Variants in LDB2 observed in about 807,000 individuals in gnomAD.
LDB2 encodes the protein LIM domain binding 2.
A neutral mutation model predicts 44.3 loss-of-function variants in LDB2; 12 were observed. The ratio of observed to expected loss-of-function variants is 0.27; its 90% CI spans 0.17 to 0.44. The LOEUF is 0.44. Ranked by LOEUF, LDB2 falls within the 20% of genes least tolerant of loss-of-function variation. The pLI is 1.00. For synonymous variants in LDB2, 164 were observed against 174.8 expected, an observed-to-expected ratio of 0.94 and a Z score of 0.49; for missense variants, 344 against 473.5, an observed-to-expected ratio of 0.73 and a Z score of 2.54.
At chr4:16,563,573 C>T (rs1034042394) in intron 5 of LDB2, among the ~76,000 whole-genome samples, 20 of 149,696 alleles carry the variant, frequency 1.3e-4, no homozygotes, top group African/African-American at 3.9e-4. Context: ...CTCAGCCTCC[C>T]GAGTAGCTGG....
At chr4:16,722,225 C>A (rs1758426998) in intron 2 of LDB2, among the ~76,000 whole-genome samples, 1 of 152,112 alleles carries the variant, frequency 6.6e-6, no homozygotes. Context: ...TTCAGAGAAT[C>A]CTTCCAACAA....
At chr4:16,558,016 G>T (rs1463054426) in intron 5 of LDB2, among the ~76,000 whole-genome samples, 1 of 152,214 alleles carries the variant, frequency 6.6e-6, no homozygotes, top group African/African-American at 2.4e-5. Flanking sequence ...CTGTCTGTTA[G>T]AAGGAAAACT....
intron 4 of LDB2, among the ~76,000 whole-genome samples, chr4:16,586,296 G>A (rs1362600992): frequency 3.3e-5 from 5 of 152,056 alleles, no homozygotes; most frequent in African/African-American, 1.2e-4. Flanking sequence ...TGGCACTCGG[G>A]TCTCCAGCCT....
At chr4:16,507,864 T>C (rs1403400726) in intron 7 of LDB2, among the ~76,000 whole-genome samples, 1 of 152,186 alleles carries the variant, frequency 6.6e-6, no homozygotes, top group African/African-American at 2.4e-5. Context: ...CTGTGCAGTT[T>C]TCACTATATG....
intron 1 of LDB2, among the ~76,000 whole-genome samples, chr4:16,880,639 C>T (rs193149705): frequency 9.5e-4 from 145 of 152,238 alleles, no homozygotes; most frequent in African/African-American, 3.3e-3. Context: ...CTGCCCTTGG[C>T]CCTGTGTCCT....
intron 5 of LDB2, among the ~76,000 whole-genome samples, chr4:16,575,452 G>A (rs776978673): frequency 1.3e-5 from 2 of 152,168 alleles, no homozygotes; most frequent in Non-Finnish European, 2.9e-5. Flanking sequence ...GAGACCAAAT[G>A]GACCTAATAG....
intron 1 of LDB2, among the ~76,000 whole-genome samples, chr4:16,883,638 G>A (rs759246406): frequency 7.2e-5 from 11 of 152,282 alleles, no homozygotes; most frequent in Non-Finnish European, 1.0e-4. Flanking sequence ...AGGTTTCACC[G>A]CTTCTTGCCT....
At chr4:16,612,663 A>G (rs1271840261) in intron 2 of LDB2, among the ~76,000 whole-genome samples, 1 of 152,240 alleles carries the variant, frequency 6.6e-6, no homozygotes, top group Non-Finnish European at 1.5e-5. Flanking sequence ...GAAGAAGTTG[A>G]ATCCCTGAAT....
At chr4:16,528,262 T>C (rs1728936945) in intron 5 of LDB2, among the ~76,000 whole-genome samples, 1 of 152,180 alleles carries the variant, frequency 6.6e-6, no homozygotes, top group Non-Finnish European at 1.5e-5. Flanking sequence ...GTTCAGTGTA[T>C]ACTGCTTAGG....
intron 1 of LDB2, among the ~76,000 whole-genome samples, chr4:16,876,315 A>G (rs1254423376): frequency 6.6e-6 from 1 of 152,158 alleles, no homozygotes; most frequent in African/African-American, 2.4e-5. Flanking sequence ...AGGGGTACAC[A>G]CCTCTGCTCT....
rs1171282015 is a variant in LDB2, at chr4:16,533,052, T to C, written c.616-20948A>G. ...GATGGAATTAGTGTGACCAACTTGC[T>C]TCAGTTTGCTTGGGACTGTCCCAGA... On this transcript the variant is annotated intron_variant, in intron 5 of 7. Coordinates refer to ENST00000304523, the MANE Select transcript of LDB2 (RefSeq NM_001290.5). This position sits in a 1 kb window ranked among gnomAD's most constrained non-coding sequence, Gnocchi z 4.1. 6.6e-6 allele frequency among the ~76,000 whole-genome samples: 1 copy of C among 152,210 alleles called. No individual in the cohort carries two copies. The highest frequency in any genetic ancestry group is 1.9e-4 in the East Asian group (1 of 5,198).
chr4:16,790,426 C>T (rs1308182869), intron 1 of LDB2, among the ~76,000 whole-genome samples: 2 of 152,078 alleles, frequency 1.3e-5, no homozygotes, highest in Non-Finnish European at 2.9e-5. Flanking sequence ...TGATACATGG[C>T]ACTAGATATC....
At chr4:16,616,337 AAC>A (rs927869505) in intron 2 of LDB2, among the ~76,000 whole-genome samples, 6 of 152,192 alleles carry the variant, frequency 3.9e-5, no homozygotes, top group African/African-American at 1.4e-4. Flanking sequence ...AAGATTAAAT[AAC>A]ACAGAAAACA....
chr4:16,571,432 T>C (rs952276775), intron 5 of LDB2, among the ~76,000 whole-genome samples: 9 of 149,082 alleles, frequency 6.0e-5, no homozygotes, highest in Non-Finnish European at 1.2e-4. Flanking sequence ...TCTCGATCCA[T>C]TGCATCTGTG....
intron 1 of LDB2, among the ~76,000 whole-genome samples, chr4:16,805,386 T>C (rs1191508173): frequency 1.3e-5 from 2 of 152,234 alleles, no homozygotes; most frequent in Non-Finnish European, 2.9e-5. Context: ...TATGAACAGA[T>C]AAATTCTACC....
chr4:16,763,439 TACACACAC>T (rs56114847), intron 1 of LDB2, among the ~76,000 whole-genome samples: 27 of 141,192 alleles, frequency 1.9e-4, no homozygotes, highest in African/African-American at 5.5e-4. Context: ...TGTAAACACG[TACACACAC>T]ACACACACAC....
In LDB2 at chr4:16,647,651, C is replaced by T. The variant is rs111885283; in HGVS notation, c.236-51776G>A. Among the ~76,000 whole-genome samples the T allele has an allele frequency of 8.4e-3, 1,280 of 152,162 alleles. 16 individuals carry two copies. Among genetic ancestry groups the T allele is most frequent in the African/African-American group, 0.03 (1,225 of 41,516 alleles). ...GTTCTCAGGATGAAATCCAAGCTCC[C>T]GAGAAAGACGATCATGTTTCCCCTC... On this transcript the variant is annotated intron_variant, in intron 2 of 7. Coordinates refer to ENST00000304523, the MANE Select transcript of LDB2 (RefSeq NM_001290.5).
chr4:16,879,793 C>T (rs1719514407), intron 1 of LDB2, among the ~76,000 whole-genome samples: 1 of 152,166 alleles, frequency 6.6e-6, no homozygotes, highest in Non-Finnish European at 1.5e-5. Flanking sequence ...AGAATTCTAA[C>T]TAACACAGAG....
chr4:16,677,120 G>C (rs1746548262), intron 2 of LDB2, among the ~76,000 whole-genome samples: 1 of 152,158 alleles, frequency 6.6e-6, no homozygotes, highest in African/African-American at 2.4e-5. Context: ...GAGTTATAGT[G>C]TGAATATCTG....
Sources: gnomAD v4.1 joint callset for allele counts (sites outside exome capture counted in the v4.1 genomes callset) on GRCh38, gnomAD v4.1.1 for gene constraint, Gnocchi (gnomAD v3.1) non-coding constraint, MANE v1.5 for transcripts, NCBI Gene and HGNC (gene_info 2026-07-23, HGNC 2026-07-21) for gene names.